ELP6: variants seen among roughly 807,000 people sequenced by gnomAD.
ELP6 encodes elongator complex protein 6.
Under a neutral mutation model 28.1 loss-of-function variants are expected in ELP6, and 23 were observed. That is an observed-to-expected ratio of 0.82 (90% CI 0.59 to 1.16). ELP6 has a LOEUF of 1.16. Ranked by LOEUF, ELP6 falls within the 50% of genes most tolerant of loss-of-function variation. The probability of loss-of-function intolerance (pLI) is 0.00; values close to 1 mark genes in which losing one functional copy is unlikely to be tolerated. For synonymous variants in ELP6, 132 were observed against 135.8 expected (o/e 0.97, Z 0.19); for missense variants, 313 against 334.6 (o/e 0.94, Z 0.50).
intron 3 of ELP6, among the ~76,000 whole-genome samples, chr3:47,509,321 C>A (rs1484814714): frequency 6.6e-6 from 1 of 152,202 alleles, no homozygotes; most frequent in Non-Finnish European, 1.5e-5. Context: ...CCTCTCTAAG[C>A]CTGGCCTGTC....
intron 2 of ELP6, among the ~76,000 whole-genome samples, chr3:47,510,594 C>T (rs1559594927): frequency 1.3e-5 from 2 of 152,082 alleles, no homozygotes; most frequent in Admixed American, 6.6e-5. Context: ...CTCAGCCTCC[C>T]GAGTAGCTGG....
chr3:47,508,489 C>A (rs1559593575), intron 3 of ELP6, among the ~76,000 whole-genome samples: 1 of 152,168 alleles, frequency 6.6e-6, no homozygotes, highest in Non-Finnish European at 1.5e-5. Context: ...TATAAGCCAC[C>A]ACCCCTGGCA....
chr3:47,499,128 A>G (rs1417957522), intron 5 of ELP6, among the ~76,000 whole-genome samples: 2 of 152,238 alleles, frequency 1.3e-5, no homozygotes, highest in African/African-American at 2.4e-5. Context: ...CTGTAATCCC[A>G]ACACTTTGGG....
Position 47,501,821 on chromosome 3 carries a change from C to T in ELP6, c.354G>A (p.Leu118=). 6.2e-7 allele frequency: 1 copy of T among 1,613,980 alleles called. No homozygotes were observed. The highest frequency in any genetic ancestry group is 8.5e-7 in the Non-Finnish European group (1 of 1,179,970). The change falls in exon 5 of 7, where the codon TTG becomes TTA. Residue 118 remains leucine, a synonymous_variant. Coordinates refer to ENST00000296149, the MANE Select transcript of ELP6 (RefSeq NM_001031703.3). ...REANAGNLKP[L]FEFVREALKP... ...TCAGGGCCTCCCGTACAAACTCAAA[C>T]AATGGTTTCAAGTTCCCAGCATTAG...
At chr3:47,507,926 A>G (rs1559593135) in intron 3 of ELP6, among the ~76,000 whole-genome samples, 2 of 144,950 alleles carry the variant, frequency 1.4e-5, no homozygotes, top group Non-Finnish European at 3.1e-5. Flanking sequence ...TGTGCTGATC[A>G]TCATTCAAAG....
chr3:47,500,042 C>T, intron 5 of ELP6: 2 of 1,283,572 alleles, frequency 1.6e-6, no homozygotes, highest in Non-Finnish European at 2.0e-6. Context: ...CACATCCATG[C>T]TTTTGAGCAG....
intron 3 of ELP6, among the ~76,000 whole-genome samples, chr3:47,509,717 A>G (rs1413071119): frequency 6.6e-6 from 1 of 152,104 alleles, no homozygotes; most frequent in Non-Finnish European, 1.5e-5. Context: ...CTCGAATAAG[A>G]CATGCTGAGA....
Position 47,511,147 on chromosome 3 carries a change from C to T in ELP6, c.133+1G>A. The stretch of plus-strand genomic sequence containing the variant: ...TTCTACAGCATCAATGAGTCCCATA[C>T]CTTTGAGATAGAAGGAGAGAAAGTG... On this transcript the variant is annotated splice_donor_variant, in intron 2 of 6. Coordinates refer to ENST00000296149, the MANE Select transcript of ELP6 (RefSeq NM_001031703.3). LOFTEE classifies it high-confidence loss of function. 6.2e-7 allele frequency: 1 copy of T among 1,613,584 alleles called. No homozygotes were observed. Among genetic ancestry groups the T allele is most frequent in the Non-Finnish European group, 8.5e-7 (1 of 1,179,580 alleles).
At position 47,513,210 on chromosome 3, in the gene ELP6, T is replaced by C. The variant is rs1168922808; in HGVS notation, c.54+327A>G. ...TTTCACCATCTTGGCCAGACTTGTC[T>C]CGAACTCTTGACCTTAGATGATGCA... On this transcript the variant is annotated intron_variant, in intron 1 of 6. Coordinates refer to ENST00000296149, the MANE Select transcript of ELP6 (RefSeq NM_001031703.3). 7 of 1,145,442 alleles carry C rather than the reference T, an allele frequency of 6.1e-6. No homozygotes were observed. The East Asian group carries it at 2.6e-4, about 42-fold the overall frequency. The allele number at this position is 1,145,442 out of a possible 1,614,324, so 71.0% of individuals were successfully genotyped here. A position where few individuals can be genotyped will look rare whatever the true frequency, so the allele number is the denominator to read the frequency against.
intron 1 of ELP6, chr3:47,512,832 T>G: frequency 1.0e-6 from 1 of 973,874 alleles, no homozygotes; most frequent in Non-Finnish European, 1.2e-6. Context: ...AGCTCGCCCA[T>G]GAAGACGGCG....
intron 3 of ELP6, among the ~76,000 whole-genome samples, chr3:47,505,294 A>C (rs1708795911): frequency 6.6e-6 from 1 of 151,918 alleles, no homozygotes; most frequent in African/African-American, 2.4e-5. Flanking sequence ...AACAAACAAC[A>C]AAAAAACCCC....
At chr3:47,503,507 C>A in intron 4 of ELP6, 1 of 1,119,998 alleles carries the variant, frequency 8.9e-7, no homozygotes, top group Non-Finnish European at 1.2e-6. Context: ...AACTACTCAA[C>A]TCTATTTGTT....
At chr3:47,496,278 G>T in intron 6 of ELP6, 81 bp from the exon 7 acceptor site, 1 of 1,528,278 alleles carries the variant, frequency 6.5e-7, no homozygotes, top group South Asian at 1.3e-5. Context: ...CCTTCTCTGT[G>T]CCCTTCAGCT....
chr3:47,503,597 A>G, intron 4 of ELP6: 1 of 456,928 alleles, frequency 2.2e-6, no homozygotes, highest in Non-Finnish European at 3.5e-6. Context: ...ACTTACAAAA[A>G]ATAAATTTAA....
At chr3:47,511,905 C>T (rs1312673917) in intron 1 of ELP6, 1 of 985,308 alleles carries the variant, frequency 1.0e-6, no homozygotes, top group East Asian at 1.1e-4. Flanking sequence ...TGTGACCTTC[C>T]ACAAATGCCT....
At position 47,513,676 on chromosome 3, in the gene ELP6, G is replaced by T; in HGVS notation, c.-86C>A. ...GCTGGAGAGCAAAACACACCCGACA[G>T]CCCGGCTCGCGCAAGGAAGCGCGCA... On this transcript the variant is annotated 5_prime_UTR_variant, in exon 1 of 7. In the 5' UTR this introduces an upstream ATG that the reference lacks. Coordinates refer to ENST00000296149, the MANE Select transcript of ELP6 (RefSeq NM_001031703.3). 2 of 1,550,814 alleles carry T rather than the reference G, an allele frequency of 1.3e-6. No individual in the cohort carries two copies. Among genetic ancestry groups the T allele is most frequent in the South Asian group, 1.1e-5 (1 of 87,444 alleles).
At chr3:47,510,295 A>C in intron 2 of ELP6, 41 bp from the exon 3 acceptor site, 1 of 1,529,882 alleles carries the variant, frequency 6.5e-7, no homozygotes. Flanking sequence ...TCCTCTGGTT[A>C]CAACCAGACT....
At chr3:47,505,520 T>A (rs893881370) in intron 3 of ELP6, among the ~76,000 whole-genome samples, 2 of 152,122 alleles carry the variant, frequency 1.3e-5, no homozygotes, top group Non-Finnish European at 2.9e-5. Flanking sequence ...TTCTTGTGCC[T>A]CAACCTCTTG....
At chr3:47,503,085 T>C (rs935696706) in intron 4 of ELP6, 7 of 1,046,682 alleles carry the variant, frequency 6.7e-6, no homozygotes, top group Non-Finnish European at 8.1e-6. Flanking sequence ...GCCCCTGGCA[T>C]TGGGTTATCT....
Sources: allele counts gnomAD v4.1 joint callset (sites outside exome capture counted in the v4.1 genomes callset), GRCh38; gene constraint gnomAD v4.1.1; transcripts MANE v1.5; gene names NCBI Gene and HGNC (gene_info 2026-07-23, HGNC 2026-07-21).